The following GPR12 variants were observed in gnomAD, a reference collection of about 807,000 sequenced individuals.
GPR12 encodes the protein G-protein coupled receptor 12.
A neutral mutation model predicts 18.9 loss-of-function variants in GPR12; 7 were observed. The observed-to-expected ratio is 0.37, with a 90% CI of 0.21 to 0.70. The LOEUF is 0.70. GPR12 is among the 30% of genes least tolerant of loss of function. The pLI is 0.54. For synonymous variants in GPR12, 201 were observed against 188.6 expected (o/e 1.07, Z -0.54); for missense variants, 327 against 427.7 (o/e 0.76, Z 2.08).
chr13:26,759,926 G>A, intron 1 of GPR12, 84 bp from the exon 2 acceptor site: 2 of 1,461,596 alleles, frequency 1.4e-6, no homozygotes, highest in Non-Finnish European at 1.8e-6. Context: ...CAGACAAACA[G>A]AAAGCCAGCC....
rs1344117236 is a variant in GPR12, at chr13:26,756,516, C to T, written c.*2307G>A. On this transcript the variant is annotated 3_prime_UTR_variant, in exon 2 of 2. Transcript: ENST00000405846. ...TTATGTCTTAAATGTAGAGCCAAAACTCTGTGACAGGAACGTGTTACAAAT... is the reference window on the plus strand; with the variant it reads ...TTATGTCTTAAATGTAGAGCCAAAATTCTGTGACAGGAACGTGTTACAAAT... The T allele has an allele frequency of 6.6e-6, 1 of 152,238 alleles. No homozygotes were observed. The highest frequency in any genetic ancestry group is 1.5e-5 in the Non-Finnish European group (1 of 68,074). The allele number at this position is 152,238 out of a possible 1,614,324, so 9.4% of individuals were successfully genotyped here. A position where few individuals can be genotyped will look rare whatever the true frequency, so the allele number is the denominator to read the frequency against.
In GPR12 at chr13:26,758,115, A is replaced by C. The variant is rs948078521; in HGVS notation, c.*708T>G. 3.9e-5 allele frequency: 6 copies of C among 152,234 alleles called. No homozygotes were observed. The highest frequency in any genetic ancestry group is 1.4e-4 in the African/African-American group (6 of 41,468). 9.4% of individuals were successfully genotyped at this position (152,234 alleles called of 1,614,324 possible). A position where few individuals can be genotyped will look rare whatever the true frequency, so the allele number is the denominator to read the frequency against. On this transcript the variant is annotated 3_prime_UTR_variant, in exon 2 of 2. Transcript: ENST00000405846. ...TTGGAATCTAGATTGACATGGCAAC[A>C]TTTGAAACAAGTGGTCTAGCTAACA...
In GPR12 at chr13:26,759,973, G is replaced by T. The variant is rs545328327; in HGVS notation, c.-15-131C>A. ...ACCAGTACCAAATGCCACAAGCTTC[G>T]GGAATGAGGAACTGTTGGGAAATGA... On this transcript the variant is annotated intron_variant, in intron 1 of 1. Coordinates refer to ENST00000405846, the MANE Select transcript of GPR12 (RefSeq NM_005288.4). The T allele has an allele frequency of 2.2e-6, 3 of 1,349,018 alleles. No individual in the cohort carries two copies. The African/African-American group carries it at 4.4e-5, about 20-fold the overall frequency. The allele number at this position is 1,349,018 out of a possible 1,614,324, so 83.6% of individuals were successfully genotyped here. A position where few individuals can be genotyped will look rare whatever the true frequency, so the allele number is the denominator to read the frequency against.
chr13:26,759,167 A>C lies in GPR12; in HGVS notation c.661T>G (p.Cys221Gly). The C allele has an allele frequency of 1.2e-6, 2 of 1,613,338 alleles. No individual in the cohort carries two copies. Among genetic ancestry groups the C allele is most frequent in the African/African-American group, 1.3e-5 (1 of 74,878 alleles). ...TGGGCGTGCCTCATCACAATCTTAC[A>C]GATCTGGATGTAGAGCTGAAGCATG... ...ALMLQLYIQI[C>G]KIVMRHAHQI... Residue 221 changes from cysteine to glycine, a missense_variant, in exon 2 of 2, where the codon TGT becomes GGT. Physicochemically the swap from Cys to Gly is radical, Grantham distance 159. Coordinates refer to ENST00000405846, the MANE Select transcript of GPR12 (RefSeq NM_005288.4).
At position 26,758,890 on chromosome 13, in the gene GPR12, C is replaced by T; in HGVS notation, c.938G>A (p.Cys313Tyr). Residue 313 changes from cysteine (C) to tyrosine (Y), a missense_variant, in exon 2 of 2, where the codon TGT becomes TAT. Transcript: ENST00000405846. Reference sequence around the variant, plus strand: ...CGGGATGCAGCCGCAGCAAATGAGACAGAGCGCTTTCTGGATCTCTTGGTT... The same window carrying T: ...CGGGATGCAGCCGCAGCAAATGAGATAGAGCGCTTTCTGGATCTCTTGGTT... ...FRNQEIQKAL[C>Y]LICCGCIPSS... The T allele has an allele frequency of 6.2e-7, 1 of 1,614,152 alleles. No individual in the cohort carries two copies. Among genetic ancestry groups the T allele is most frequent in the East Asian group, 2.2e-5 (1 of 44,870 alleles).
Position 26,759,721 on chromosome 13 carries a change from A to G in GPR12, c.107T>C (p.Val36Ala). 6.2e-7 allele frequency: 1 copy of G among 1,613,730 alleles called. No individual in the cohort carries two copies. The highest frequency in any genetic ancestry group is 1.7e-5 in the Admixed American group (1 of 60,020). The change falls in exon 2 of 2, where the codon GTA becomes GCA. Residue 36 changes from valine to alanine, a missense_variant. Val to Ala is a moderately conservative substitution (Grantham distance 64). Coordinates refer to ENST00000405846, the MANE Select transcript of GPR12 (RefSeq NM_005288.4). ...GACTACGAGCTCAGGCTCTGGCTCT[A>G]CGGCAGGAACCCGGGAGGAGACAGC... ...SAAVSSRVPA[V>A]EPEPELVVNP...
In GPR12 at chr13:26,759,465, G is replaced by A. The variant is rs757364916; in HGVS notation, c.363C>T (p.Val121=). Residue 121 remains valine (V), a synonymous_variant, in exon 2 of 2, where the codon GTC becomes GTT. Transcript: ENST00000405846. ...TGCAGACAGAGGCAGAGAAAGAGGCGACAATGAGGCCGATCGTGACCAGCT... is the reference window on the plus strand; with the variant it reads ...TGCAGACAGAGGCAGAGAAAGAGGCAACAATGAGGCCGATCGTGACCAGCT... ...ATKLVTIGLI[V]ASFSASVCSL... 3.7e-6 allele frequency: 6 copies of A among 1,614,144 alleles called. No individual in the cohort carries two copies. The highest frequency in any genetic ancestry group is 3.3e-5 in the Admixed American group (2 of 60,026).
At position 26,757,879 on chromosome 13, in the gene GPR12, A is replaced by G. The variant is rs1256650215; in HGVS notation, c.*944T>C. ...ATTTTTTTCATTTCATGATAATGTC[A>G]CATTAGTTTTTTTCAGAATATATTA... On this transcript the variant is annotated 3_prime_UTR_variant, in exon 2 of 2. Coordinates refer to ENST00000405846, the MANE Select transcript of GPR12 (RefSeq NM_005288.4). The G allele has an allele frequency of 6.6e-6, 1 of 152,228 alleles. No individual in the cohort carries two copies. The highest frequency in any genetic ancestry group is 1.5e-5 in the Non-Finnish European group (1 of 68,026). 9.4% of individuals were successfully genotyped at this position (152,228 alleles called of 1,614,324 possible).
chr13:26,758,069 A>C lies in GPR12; in HGVS notation c.*754T>G, dbSNP rs924490206. 1.3e-5 allele frequency: 2 copies of C among 152,232 alleles called. No individual in the cohort carries two copies. The highest frequency in any genetic ancestry group is 4.8e-5 in the African/African-American group (2 of 41,468). The allele number at this position is 152,232 out of a possible 1,614,324, so 9.4% of individuals were successfully genotyped here. The stretch of plus-strand genomic sequence containing the variant: ...CATTTTAGAAAGTACATATTGGAAA[A>C]CTATATTGAAAAATGACCCGTTGGA... On this transcript the variant is annotated 3_prime_UTR_variant, in exon 2 of 2. Transcript: ENST00000405846.
chr13:26,759,884 G>A, intron 1 of GPR12, 42 bp from the exon 2 acceptor site: 1 of 1,514,152 alleles, frequency 6.6e-7, no homozygotes, highest in South Asian at 1.3e-5. Context: ...AAATACAGCA[G>A]GGTGACAATC....
At position 26,759,229 on chromosome 13, in the gene GPR12, G is replaced by T; in HGVS notation, c.599C>A (p.Ala200Asp). Residue 200 changes from alanine to aspartate, a missense_variant, in exon 2 of 2, where the codon GCC (alanine) becomes GAC (aspartate). Physicochemically the swap from Ala to Asp is moderately radical, Grantham distance 126. Coordinates refer to ENST00000405846, the MANE Select transcript of GPR12 (RefSeq NM_005288.4). Reference sequence around the variant, plus strand: ...GAAGAGGAAGGACACCGAGAGGATGGCCGCGTTGTTCTTGGTGAGCGGTCT... The same window carrying T: ...GAAGAGGAAGGACACCGAGAGGATGTCCGCGTTGTTCTTGGTGAGCGGTCT... ...VVRPLTKNNA[A>D]ILSVSFLFMF... 1 of 1,612,944 alleles carries T rather than the reference G, an allele frequency of 6.2e-7. No individual in the cohort carries two copies. The highest frequency in any genetic ancestry group is 1.3e-5 in the African/African-American group (1 of 74,860).
chr13:26,757,917 TCTA>T lies in GPR12; in HGVS notation c.*903_*905del, dbSNP rs1593160441. The stretch of plus-strand genomic sequence containing the variant: ...TCAGAATATATTAAAATAAATTTAA[TCTA>T]CTCTCAATTGCTAATATTTTTTCCT... On this transcript the variant is annotated 3_prime_UTR_variant, in exon 2 of 2. Transcript: ENST00000405846. 6.6e-6 allele frequency: 1 copy of T among 152,246 alleles called. No individual in the cohort carries two copies. Among genetic ancestry groups the T allele is most frequent in the Non-Finnish European group, 1.5e-5 (1 of 68,048 alleles). 9.4% of individuals were successfully genotyped at this position (152,246 alleles called of 1,614,324 possible).
In GPR12 at chr13:26,757,004, A is replaced by G. The variant is rs1884387589; in HGVS notation, c.*1819T>C. On this transcript the variant is annotated 3_prime_UTR_variant, in exon 2 of 2. Transcript: ENST00000405846. ...CATGTTCAACCTACTAACTCCATCA[A>G]ATGTTCAAAAGAAATGTTTTAAAGG... 6.6e-6 allele frequency: 1 copy of G among 152,190 alleles called. No individual in the cohort carries two copies. The highest frequency in any genetic ancestry group is 1.5e-5 in the Non-Finnish European group (1 of 68,038). The allele number at this position is 152,190 out of a possible 1,614,324, so 9.4% of individuals were successfully genotyped here.
chr13:26,759,077 A>G lies in GPR12; in HGVS notation c.751T>C (p.Ser251Pro). ...SHYVTTRKGV[S>P]TLAIILGTFA... ...GTCCCCAGGATGATAGCCAGGGTGG[A>G]GACCCCTTTCCGGGTGGTCACATAG... Residue 251 changes from serine (S) to proline (P), a missense_variant, in exon 2 of 2, where the codon TCC becomes CCC. Physicochemically the swap from Ser to Pro is moderately conservative, Grantham distance 74. Coordinates refer to ENST00000405846, the MANE Select transcript of GPR12 (RefSeq NM_005288.4). The G allele has an allele frequency of 6.2e-7, 1 of 1,613,996 alleles. No homozygotes were observed. Among genetic ancestry groups the G allele is most frequent in the Non-Finnish European group, 8.5e-7 (1 of 1,179,998 alleles).
rs1884405349 is a variant in GPR12 at position 26,757,922 on chromosome 13, T to C, written c.*901A>G. The C allele has an allele frequency of 6.6e-6, 1 of 152,214 alleles. No individual in the cohort carries two copies. Among genetic ancestry groups the C allele is most frequent in the African/African-American group, 2.4e-5 (1 of 41,442 alleles). The allele number at this position is 152,214 out of a possible 1,614,324, so 9.4% of individuals were successfully genotyped here. A position where few individuals can be genotyped will look rare whatever the true frequency, so the allele number is the denominator to read the frequency against. ...ATATATTAAAATAAATTTAATCTAC[T>C]CTCAATTGCTAATATTTTTTCCTTT... On this transcript the variant is annotated 3_prime_UTR_variant, in exon 2 of 2. Coordinates refer to ENST00000405846, the MANE Select transcript of GPR12 (RefSeq NM_005288.4).
At position 26,755,505 on chromosome 13, in the gene GPR12, T is replaced by C. The variant is rs1884358471; in HGVS notation, c.*3318A>G. ...TTTTAAACTTCTTGTTTCAATCCTA[T>C]TTTAAATCCTGGGGGAGTCTAAGAC... On this transcript the variant is annotated 3_prime_UTR_variant, in exon 2 of 2. Transcript: ENST00000405846. 1 of 152,218 alleles carries C rather than the reference T, an allele frequency of 6.6e-6. No individual in the cohort carries two copies. The highest frequency in any genetic ancestry group is 1.5e-5 in the Non-Finnish European group (1 of 68,036). 9.4% of individuals were successfully genotyped at this position (152,218 alleles called of 1,614,324 possible).
At position 26,755,865 on chromosome 13, in the gene GPR12, T is replaced by C. The variant is rs932843782; in HGVS notation, c.*2958A>G. 1 of 152,216 alleles carries C rather than the reference T, an allele frequency of 6.6e-6. No homozygotes were observed. The highest frequency in any genetic ancestry group is 6.5e-5 in the Admixed American group (1 of 15,282). The allele number at this position is 152,216 out of a possible 1,614,324, so 9.4% of individuals were successfully genotyped here. On this transcript the variant is annotated 3_prime_UTR_variant, in exon 2 of 2. Coordinates refer to ENST00000405846, the MANE Select transcript of GPR12 (RefSeq NM_005288.4). ...TAATTATGTGGAGTAAAAGATTATC[T>C]GCTACCTCAGGACTGTTGGAAATAA... is the stretch of plus-strand genomic sequence containing the variant.
chr13:26,759,866 T>A, intron 1 of GPR12, 24 bp from the exon 2 acceptor site: 1 of 1,524,816 alleles, frequency 6.6e-7, no homozygotes, highest in Non-Finnish European at 8.8e-7. Context: ...ACAGGCTTTT[T>A]AATGTTTAAA....
At position 26,759,887 on chromosome 13, in the gene GPR12, T is replaced by C. The variant is rs76476101; in HGVS notation, c.-15-45A>G. ...TTTTTAATGTTTAAATACAGCAGGG[T>C]GACAATCCAAGATCATGCAAAAAAC... On this transcript the variant is annotated intron_variant, in intron 1 of 1. Coordinates refer to ENST00000405846, the MANE Select transcript of GPR12 (RefSeq NM_005288.4). 102,381 of 1,511,474 alleles carry C rather than the reference T, an allele frequency of 0.068. 3,892 individuals carry two copies. Among genetic ancestry groups the C allele is most frequent in the Non-Finnish European group, 0.074 (83,803 of 1,130,276 alleles). 93.6% of individuals were successfully genotyped at this position (1,511,474 alleles called of 1,614,324 possible). A position where few individuals can be genotyped will look rare whatever the true frequency, so the allele number is the denominator to read the frequency against.
Sources: allele counts gnomAD v4.1 joint callset, GRCh38; gene constraint gnomAD v4.1.1; transcripts MANE v1.5; gene names NCBI Gene and HGNC (gene_info 2026-07-23, HGNC 2026-07-21).